Variants in OGDH observed in about 807,000 individuals in gnomAD.
The protein encoded by OGDH is oxoglutarate dehydrogenase.
OGDH carries 38 observed loss-of-function variants against 116.6 expected under a neutral mutation model. The ratio of observed to expected loss-of-function variants is 0.33; its 90% CI spans 0.25 to 0.43. The LOEUF (loss-of-function observed/expected upper bound fraction) is 0.43, where lower values mean the gene tolerates loss of function less well. Ranked by LOEUF, OGDH falls within the 20% of genes least tolerant of loss-of-function variation. The pLI is 1.00. For missense variants in OGDH, 825 were observed against 1,357.2 expected (o/e 0.61, Z 6.16); for synonymous variants, 488 against 533.3 (o/e 0.92, Z 1.17).
intron 19 of OGDH, among the ~76,000 whole-genome samples, chr7:44,700,503 C>A (rs1788780004): frequency 6.6e-6 from 1 of 152,228 alleles, no homozygotes; most frequent in Admixed American, 6.5e-5. Context: ...CTGCTGAGCA[C>A]CACATGCGGA....
chr7:44,702,796 C>T (rs1392552126), intron 20 of OGDH, among the ~76,000 whole-genome samples: 1 of 152,070 alleles, frequency 6.6e-6, no homozygotes, highest in Non-Finnish European at 1.5e-5. Context: ...CGGGGTTTCA[C>T]CGTGTTAGCC....
Position 44,624,383 on chromosome 7 carries a change from T to C in OGDH, c.40T>C (p.Leu14=). 1 of 1,596,858 alleles carries C rather than the reference T, an allele frequency of 6.3e-7. No homozygotes were observed. The highest frequency in any genetic ancestry group is 8.5e-7 in the Non-Finnish European group (1 of 1,170,676). ...GACTTGTGCTGCTAAGTTGAGGCCA[T>C]TGACGGCTTCCCAGACTGTTAAGAC... is the stretch of plus-strand genomic sequence containing the variant. ...LRTCAAKLRP[L]TASQTVKTFS... Residue 14 remains leucine, a synonymous_variant, in exon 2 of 23, where the codon TTG becomes CTG. Transcript: ENST00000222673.
chr7:44,624,620 G>T (rs1175265840), intron 2 of OGDH, 55 bp downstream of exon 2: 7 of 1,490,956 alleles, frequency 4.7e-6, no homozygotes, highest in South Asian at 1.1e-5. Flanking sequence ...GCCTGTTCCT[G>T]ACTGGTCACC....
intron 1 of OGDH, among the ~76,000 whole-genome samples, chr7:44,614,727 A>T (rs1784702051): frequency 6.6e-6 from 1 of 151,212 alleles, no homozygotes; most frequent in African/African-American, 2.4e-5. Context: ...CATTTTGAGG[A>T]TGCCTCTTTT....
rs147600011 is a variant in OGDH, at chr7:44,682,563, C to T, written c.1335+715C>T. On this transcript the variant is annotated intron_variant, in intron 10 of 22. Transcript: ENST00000222673. ...AAATACAAAGCTACCTGCTTGGTGGCGCGCACTTGTAATCCCAGCTGCTTG... is the reference window on the plus strand; with the variant it reads ...AAATACAAAGCTACCTGCTTGGTGGTGCGCACTTGTAATCCCAGCTGCTTG... Among the ~76,000 whole-genome samples the T allele has an allele frequency of 3.3e-3, 498 of 151,794 alleles. 2 individuals are homozygous for T. Among genetic ancestry groups the T allele is most frequent in the African/African-American group, 0.011 (455 of 41,394 alleles).
At chr7:44,676,214 G>A (rs762616852) in intron 9 of OGDH, 65 bp downstream of exon 9, 33 of 1,613,276 alleles carry the variant, frequency 2.0e-5, no homozygotes, top group African/African-American at 1.7e-4. Context: ...ATGGAGTTCC[G>A]CTCACCAACA....
chr7:44,607,535 TG>T (rs1218871933), intron 1 of OGDH, among the ~76,000 whole-genome samples: 2 of 152,130 alleles, frequency 1.3e-5, no homozygotes, highest in African/African-American at 2.4e-5. Context: ...GGGTTTAGGA[TG>T]GGTGGCATGG....
intron 4 of OGDH, among the ~76,000 whole-genome samples, chr7:44,659,203 C>T (rs913419534): frequency 2.0e-5 from 3 of 151,924 alleles, no homozygotes; most frequent in Admixed American, 6.6e-5. Context: ...ATGCTAATGT[C>T]GTGGATTGTA....
intron 2 of OGDH, among the ~76,000 whole-genome samples, chr7:44,631,431 T>G (rs1026555835): frequency 6.6e-6 from 1 of 152,200 alleles, no homozygotes; most frequent in African/African-American, 2.4e-5. Context: ...TTTTCAACCC[T>G]CACTCTCCTA....
intron 2 of OGDH, among the ~76,000 whole-genome samples, chr7:44,632,357 A>G (rs1483012593): frequency 6.6e-6 from 1 of 152,260 alleles, no homozygotes. Flanking sequence ...CAGTGGCACC[A>G]TGATAGTAGC....
chr7:44,647,633 C>T, intron 3 of OGDH, 24 bp from the exon 4 acceptor site: 1 of 1,598,952 alleles, frequency 6.3e-7, no homozygotes, highest in Non-Finnish European at 8.6e-7. Context: ...TGTGTCCTTC[C>T]CTCTCATCGT....
In OGDH at chr7:44,707,156, C is replaced by T; in HGVS notation, c.2633-69C>T. ...TCCTGGCAGCAGTCCCTGGCACAGC[C>T]CTGGGCCCAGGAGAGCTCTCAGCCA... is the stretch of plus-strand genomic sequence containing the variant. On this transcript the variant is annotated intron_variant, in intron 20 of 22. Coordinates refer to ENST00000222673, the MANE Select transcript of OGDH (RefSeq NM_002541.4). The surrounding 1 kb of genome is among the most constrained non-coding windows in gnomAD (Gnocchi z 5.2). 1 of 1,549,634 alleles carries T rather than the reference C, an allele frequency of 6.5e-7. No individual in the cohort carries two copies. The highest frequency in any genetic ancestry group is 1.2e-5 in the South Asian group (1 of 85,068).
chr7:44,680,807 G>A (rs1787898872), intron 9 of OGDH, among the ~76,000 whole-genome samples: 2 of 152,274 alleles, frequency 1.3e-5, no homozygotes, highest in Admixed American at 1.3e-4. Context: ...CAGGAAGCAA[G>A]GAGGTGCTCA....
chr7:44,660,771 C>T (rs1786902143), intron 4 of OGDH, among the ~76,000 whole-genome samples: 1 of 152,122 alleles, frequency 6.6e-6, no homozygotes, highest in South Asian at 2.1e-4. Context: ...CCACCACCAA[C>T]AACAAAATTA....
At chr7:44,647,512 A>G (rs1246470667) in intron 3 of OGDH, 145 bp from the exon 4 acceptor site, 4 of 1,542,716 alleles carry the variant, frequency 2.6e-6, no homozygotes, top group Non-Finnish European at 3.5e-6. Flanking sequence ...ATGATGCTCC[A>G]GTAACTGTTT....
chr7:44,653,955 A>G, intron 4 of OGDH, among the ~76,000 whole-genome samples: 1 of 152,110 alleles, frequency 6.6e-6, no homozygotes, highest in Non-Finnish European at 1.5e-5. Context: ...CCCAGGTTCA[A>G]GCAATCCTCC....
chr7:44,626,816 C>A (rs1785225870), intron 2 of OGDH, among the ~76,000 whole-genome samples: 1 of 152,148 alleles, frequency 6.6e-6, no homozygotes, highest in African/African-American at 2.4e-5. Flanking sequence ...CTCTGCCCCT[C>A]CCTGCTTGTA....
chr7:44,663,379 T>C (rs1787033127), intron 4 of OGDH, among the ~76,000 whole-genome samples: 1 of 152,250 alleles, frequency 6.6e-6, no homozygotes, highest in Non-Finnish European at 1.5e-5. Flanking sequence ...GGCTTACGCC[T>C]GTAAGCACTT....
At chr7:44,621,653 C>G (rs1330592634) in intron 1 of OGDH, among the ~76,000 whole-genome samples, 1 of 152,078 alleles carries the variant, frequency 6.6e-6, no homozygotes, top group African/African-American at 2.4e-5. Flanking sequence ...GTGGGCAGAT[C>G]ATGAGGTCAG....
Sources: allele counts gnomAD v4.1 joint callset (sites outside exome capture counted in the v4.1 genomes callset), GRCh38; gene constraint gnomAD v4.1.1; non-coding constraint Gnocchi (gnomAD v3.1); transcripts MANE v1.5; gene names NCBI Gene and HGNC (gene_info 2026-07-23, HGNC 2026-07-21).